The following FRMPD4 variants were observed in gnomAD, a reference collection of about 807,000 sequenced individuals.
The protein encoded by FRMPD4 is FERM and PDZ domain containing 4.
A neutral mutation model predicts 94.1 loss-of-function variants in FRMPD4; 22 were observed. The ratio of observed to expected loss-of-function variants is 0.23; its 90% CI spans 0.17 to 0.33. The LOEUF is 0.33. FRMPD4 is among the 10% of genes least tolerant of loss of function. FRMPD4 has a pLI of 1.00. For missense variants in FRMPD4, 1,111 were observed against 1,339.9 expected (o/e 0.83, Z 2.67); for synonymous variants, 631 against 548.6 (o/e 1.15, Z -2.10).
intron 3 of FRMPD4, among the ~76,000 whole-genome samples, chrX:12,009,539 G>A (rs1206055752): frequency 2.7e-5 from 3 of 112,250 alleles, no homozygotes; most frequent in Non-Finnish European, 5.6e-5. Flanking sequence ...TAACAGCTGA[G>A]TAAACAATCA....
chrX:12,108,253 A>T (rs1320148410), intron 3 of FRMPD4, among the ~76,000 whole-genome samples: 3 of 111,955 alleles, frequency 2.7e-5, no homozygotes, highest in Non-Finnish European at 5.6e-5. Context: ...GCCAGAAGAG[A>T]GTGGGGGCCA....
chrX:12,233,122 T>G (rs745811583), intron 1 of FRMPD4, among the ~76,000 whole-genome samples: 7 of 112,082 alleles, frequency 6.2e-5, no homozygotes, highest in Non-Finnish European at 1.3e-4. Flanking sequence ...CCAAAGCCAT[T>G]AATGCTGGGT....
chrX:12,524,990 A>G (rs1234845487), intron 2 of FRMPD4, among the ~76,000 whole-genome samples: 1 of 111,424 alleles, frequency 9.0e-6, no homozygotes, highest in Non-Finnish European at 1.9e-5. Flanking sequence ...ATCAGGTATC[A>G]TTAGTGTTAG....
chrX:11,921,596 G>T lies in FRMPD4; in HGVS notation c.95+43578G>T, dbSNP rs756386638. On this transcript the variant is annotated intron_variant, in intron 3 of 18. Coordinates refer to the FRMPD4 transcript ENST00000640291. ...TAATAGATGCTGTATCTTAGCGGAAGCTTAAAAGCTTTGCATAGCAGCTCT... is the reference window on the plus strand; with the variant it reads ...TAATAGATGCTGTATCTTAGCGGAATCTTAAAAGCTTTGCATAGCAGCTCT... Among the ~76,000 whole-genome samples the T allele has an allele frequency of 2.7e-5, 3 of 111,994 alleles. No homozygotes were observed. The South Asian group carries it at 1.1e-3, about 42-fold the overall frequency.
chrX:12,140,736 G>A (rs1182549275), intron 1 of FRMPD4, among the ~76,000 whole-genome samples: 2 of 112,368 alleles, frequency 1.8e-5, no homozygotes, highest in Non-Finnish European at 3.8e-5. Context: ...GTGAAAAGAT[G>A]TTTCATATTC....
At chrX:11,960,148 G>A (rs1422063867) in intron 3 of FRMPD4, among the ~76,000 whole-genome samples, 1 of 111,848 alleles carries the variant, frequency 8.9e-6, no homozygotes, top group Admixed American at 9.5e-5. Flanking sequence ...ACAATGTTGG[G>A]GAATAATTGT....
intron 1 of FRMPD4, among the ~76,000 whole-genome samples, chrX:11,825,238 G>GTGTGTGT (rs2053435955): frequency 4.3e-5 from 4 of 93,008 alleles, no homozygotes; most frequent in African/African-American, 8.3e-5. Context: ...GTGTGTGTGT[G>GTGTGTGT]GTCTCTTCAC....
At chrX:12,469,769 T>G (rs1389568992) in intron 1 of FRMPD4, among the ~76,000 whole-genome samples, 1 of 112,232 alleles carries the variant, frequency 8.9e-6, no homozygotes, top group Non-Finnish European at 1.9e-5. Flanking sequence ...ATCTTTGAAG[T>G]TATTTCAAAT....
At chrX:12,604,854 C>T (rs2059116349) in intron 2 of FRMPD4, among the ~76,000 whole-genome samples, 1 of 111,228 alleles carries the variant, frequency 9.0e-6, no homozygotes, top group South Asian at 3.9e-4. Context: ...TGTGTCGTTC[C>T]CCTCTATGTG....
intron 3 of FRMPD4, among the ~76,000 whole-genome samples, chrX:11,942,352 G>A (rs1344825272): frequency 1.8e-5 from 2 of 108,720 alleles, no homozygotes; most frequent in Admixed American, 2.0e-4. Flanking sequence ...TGGGATTATA[G>A]GTGTGCACCA....
chrX:12,600,406 A>C (rs2059074549), intron 2 of FRMPD4, among the ~76,000 whole-genome samples: 1 of 112,337 alleles, frequency 8.9e-6, no homozygotes, highest in Admixed American at 9.5e-5. Flanking sequence ...GGTTAGACAA[A>C]TCCATTTTCA....
intron 16 of FRMPD4, among the ~76,000 whole-genome samples, chrX:12,719,989 A>AG (rs1457098794): frequency 1.1e-5 from 1 of 93,695 alleles, no homozygotes; most frequent in Non-Finnish European, 2.1e-5. Context: ...AAAGAAAGAA[A>AG]GGAAAGAAAG....
intron 1 of FRMPD4, among the ~76,000 whole-genome samples, chrX:12,178,056 G>C (rs1377194794): frequency 9.0e-6 from 1 of 111,243 alleles, no homozygotes; most frequent in African/African-American, 3.3e-5. Flanking sequence ...AAAAGGTGGG[G>C]CCTTTGGGAG....
At chrX:11,888,524 G>A (rs187150250) in intron 3 of FRMPD4, among the ~76,000 whole-genome samples, 2 of 111,578 alleles carry the variant, frequency 1.8e-5, no homozygotes, top group African/African-American at 6.5e-5. Context: ...TGTCAATAGG[G>A]CTGTTTCATT....
chrX:12,364,946 G>T lies in FRMPD4; in HGVS notation c.42-133734G>T, dbSNP rs142296922. Among the ~76,000 whole-genome samples the T allele has an allele frequency of 8.6e-4, 97 of 112,566 alleles. No individual in the cohort carries two copies. The East Asian group carries it at 0.027, about 31-fold the overall frequency. On this transcript the variant is annotated intron_variant, in intron 1 of 16. Coordinates refer to ENST00000675598, the MANE Select transcript of FRMPD4 (RefSeq NM_001368397.1). ...CCAGGAAAGTTATACCTAGGGGTAG[G>T]CTTCCAGCTCCTGACCTCACCTCTA...
intron 1 of FRMPD4, among the ~76,000 whole-genome samples, chrX:12,362,083 G>A (rs2055996806): frequency 9.0e-6 from 1 of 110,982 alleles, no homozygotes; most frequent in African/African-American, 3.3e-5. Context: ...GCTTATATAG[G>A]CAATCTTAAT....
At chrX:11,832,202 C>A (rs1264843826) in intron 1 of FRMPD4, among the ~76,000 whole-genome samples, 1 of 111,575 alleles carries the variant, frequency 9.0e-6, no homozygotes, top group Non-Finnish European at 1.9e-5. Context: ...CTTGCAGGAG[C>A]TTCACATTTA....
At chrX:12,392,754 A>C (rs760008059) in intron 1 of FRMPD4, among the ~76,000 whole-genome samples, 33 of 111,787 alleles carry the variant, frequency 3.0e-4, no homozygotes, top group Non-Finnish European at 5.1e-4. Flanking sequence ...ACTCAGGTCT[A>C]AGTGTCTGCA....
At chrX:12,428,353 A>G (rs2056974991) in intron 1 of FRMPD4, among the ~76,000 whole-genome samples, 1 of 111,605 alleles carries the variant, frequency 9.0e-6, no homozygotes, top group African/African-American at 3.3e-5. Context: ...ACCATCTGGA[A>G]AAGTCTATAT....
Sources: gnomAD v4.1 joint callset for allele counts (sites outside exome capture counted in the v4.1 genomes callset) on GRCh38, gnomAD v4.1.1 for gene constraint, MANE v1.5 for transcripts, NCBI Gene and HGNC (gene_info 2026-07-23, HGNC 2026-07-21) for gene names.